CYRIB: variants seen among roughly 807,000 people sequenced by gnomAD.
CYRIB encodes CYFIP-related Rac1 interactor B.
A neutral mutation model predicts 44.2 loss-of-function variants in CYRIB; 8 were observed. The observed-to-expected ratio is 0.18, with a 90% confidence interval of 0.11 to 0.33. CYRIB has a LOEUF of 0.33. Ranked by LOEUF, CYRIB falls within the 10% of genes least tolerant of loss-of-function variation. CYRIB has a pLI of 1.00. For missense variants in CYRIB, 185 were observed against 382.8 expected, an observed-to-expected ratio of 0.48 and a Z score of 4.31; for synonymous variants, 131 against 127.2, an observed-to-expected ratio of 1.03 and a Z score of -0.20.
chr8:129,891,588 A>C (rs2065440832), intron 2 of CYRIB, among the ~76,000 whole-genome samples: 1 of 152,232 alleles, frequency 6.6e-6, no homozygotes, highest in African/African-American at 2.4e-5. Context: ...AGCAAATGTT[A>C]AGATCCATAT....
chr8:129,916,535 GC>G (rs2080859316), intron 1 of CYRIB, among the ~76,000 whole-genome samples: 1 of 152,080 alleles, frequency 6.6e-6, no homozygotes, highest in Admixed American at 6.6e-5. Flanking sequence ...CTAGAGCAGA[GC>G]CCCCTAACAG....
intron 4 of CYRIB, among the ~76,000 whole-genome samples, chr8:129,867,846 A>C (rs2054650229): frequency 6.6e-6 from 1 of 152,286 alleles, no homozygotes; most frequent in South Asian, 2.1e-4. Context: ...ATAAAATATA[A>C]GTACCTGGTG....
chr8:129,938,616 C>T (rs1753228413), intron 1 of CYRIB, among the ~76,000 whole-genome samples: 2 of 152,296 alleles, frequency 1.3e-5, no homozygotes, highest in Admixed American at 1.3e-4. Context: ...CATAGGGGTA[C>T]TCAAACAATG....
intron 1 of CYRIB, among the ~76,000 whole-genome samples, chr8:129,986,302 C>G (rs940680152): frequency 6.6e-6 from 1 of 152,186 alleles, no homozygotes. Context: ...GCCCCGAGGA[C>G]AGGCCCCAGA....
At chr8:129,914,824 A>G (rs1035368109) in intron 1 of CYRIB, among the ~76,000 whole-genome samples, 4 of 152,230 alleles carry the variant, frequency 2.6e-5, no homozygotes, top group African/African-American at 9.6e-5. Flanking sequence ...ACAGCACAAA[A>G]TGAGAACTGC....
At chr8:129,999,039 C>G (rs1420561234) in intron 1 of CYRIB, among the ~76,000 whole-genome samples, 1 of 152,184 alleles carries the variant, frequency 6.6e-6, no homozygotes, top group African/African-American at 2.4e-5. Flanking sequence ...GCTTTCTTCC[C>G]TCGCATCTAT....
Position 129,848,966 on chromosome 8 carries a change from A to G in CYRIB, c.840+277T>C, listed in dbSNP as rs563253308. Among the ~76,000 whole-genome samples the G allele has an allele frequency of 4.6e-5, 7 of 152,340 alleles. No homozygotes were observed. The South Asian group carries it at 1.2e-3, about 27-fold the overall frequency. ...TAAAGGATATGACTCAAAATTCCTTATATCTAATTATCTATTTATATTGCC... is the reference window on the plus strand; with the variant it reads ...TAAAGGATATGACTCAAAATTCCTTGTATCTAATTATCTATTTATATTGCC... On this transcript the variant is annotated intron_variant, in intron 10 of 11. Coordinates refer to ENST00000519824, the Ensembl canonical transcript of CYRIB.
chr8:129,991,971 A>AAAAAAAAAGAGAGAG lies in CYRIB; in HGVS notation c.-295-20977_-295-20976insCTCTCTCTTTTTTTT, dbSNP rs994697259. ...AAAAAAAAAAAAAAAAAAAAAAAAA[A>AAAAAAAAAGAGAGAG]ACAATAGGAAGCTATTAAGGGTTTT... On this transcript the variant is annotated intron_variant, in intron 1 of 14. Transcript: ENST00000401979. Among the ~76,000 whole-genome samples, 204 of 134,684 alleles carry AAAAAAAAAGAGAGAG rather than the reference A, an allele frequency of 1.5e-3. 11 individuals are homozygous for AAAAAAAAAGAGAGAG. The highest frequency in any genetic ancestry group is 4.5e-3 in the Middle Eastern group (1 of 220). 88.4% of individuals were successfully genotyped at this position (134,684 alleles called of 152,430 possible).
chr8:129,916,770 G>A (rs2080986980), intron 1 of CYRIB, among the ~76,000 whole-genome samples: 1 of 152,144 alleles, frequency 6.6e-6, no homozygotes, highest in South Asian at 2.1e-4. Flanking sequence ...TATAACTGAG[G>A]GAAGATAAAA....
At chr8:130,014,388 C>G (rs1213494069) in intron 1 of CYRIB, among the ~76,000 whole-genome samples, 1 of 152,216 alleles carries the variant, frequency 6.6e-6, no homozygotes, top group East Asian at 1.9e-4. Flanking sequence ...CATGATCACG[C>G]TACTTCTGCA....
chr8:129,959,697 A>G (rs1410130229), intron 2 of CYRIB, among the ~76,000 whole-genome samples: 1 of 152,180 alleles, frequency 6.6e-6, no homozygotes, highest in Non-Finnish European at 1.5e-5. Context: ...ATCCTACCAC[A>G]TCTACTCCAC....
At chr8:129,910,929 A>C (rs772877252) in intron 1 of CYRIB, among the ~76,000 whole-genome samples, 2 of 152,242 alleles carry the variant, frequency 1.3e-5, no homozygotes, top group Non-Finnish European at 2.9e-5. Context: ...AAGCGCTGGA[A>C]TTATAGGCAT....
At chr8:129,855,628 G>A (rs1290367274) in exon 6 of CYRIB, 4 of 1,613,682 alleles carry the variant, frequency 2.5e-6, no homozygotes, top group Non-Finnish European at 3.4e-6. Context: ...TCATCAAACC[G>A]GAGTGTGAAA....
intron 2 of CYRIB, among the ~76,000 whole-genome samples, chr8:129,884,537 C>T (rs937705703): frequency 1.3e-5 from 2 of 152,168 alleles, no homozygotes; most frequent in Non-Finnish European, 2.9e-5. Flanking sequence ...ACCTACCCGC[C>T]TCAGCCTCCC....
intron 1 of CYRIB, among the ~76,000 whole-genome samples, chr8:129,917,466 A>G (rs1418216069): frequency 1.3e-5 from 2 of 152,208 alleles, no homozygotes; most frequent in African/African-American, 4.8e-5. Flanking sequence ...ATATCTACAC[A>G]TCATCCTTCC....
chr8:130,013,656 C>T (rs796915697), intron 1 of CYRIB, among the ~76,000 whole-genome samples: 7 of 152,272 alleles, frequency 4.6e-5, no homozygotes, highest in African/African-American at 1.7e-4. Flanking sequence ...ATGCTGAGCA[C>T]GGGTGAGGCC....
intron 7 of CYRIB, 62 bp from the exon 10 acceptor site, chr8:129,852,340 T>A (rs150184676): frequency 1.9e-6 from 2 of 1,044,820 alleles, no homozygotes; most frequent in Admixed American, 2.8e-5. Context: ...ATAACAATTA[T>A]ACAAGGACCC....
intron 5 of CYRIB, among the ~76,000 whole-genome samples, chr8:129,860,773 CA>C (rs1201694847): frequency 6.6e-6 from 1 of 151,380 alleles, no homozygotes; most frequent in Admixed American, 6.6e-5. Context: ...AACTAGAAAG[CA>C]CAAGTCCTAA....
intron 1 of CYRIB, among the ~76,000 whole-genome samples, chr8:129,916,572 C>A (rs1393038268): frequency 6.6e-6 from 1 of 152,164 alleles, no homozygotes; most frequent in African/African-American, 2.4e-5. Flanking sequence ...GTACTGAAAT[C>A]TGTTTCCTCC....
Sources: gnomAD v4.1 joint callset for allele counts (sites outside exome capture counted in the v4.1 genomes callset) on GRCh38, gnomAD v4.1.1 for gene constraint, MANE v1.5 for transcripts, NCBI Gene and HGNC (gene_info 2026-07-23, HGNC 2026-07-21) for gene names.